COL5A3: variants seen among roughly 807,000 people sequenced by gnomAD.
COL5A3 encodes the protein collagen type V alpha 3 chain.
A neutral mutation model predicts 250.0 loss-of-function variants in COL5A3; 172 were observed. The observed-to-expected ratio is 0.69, with a 90% CI of 0.61 to 0.78. The LOEUF is 0.78. Among genes scored for constraint, COL5A3 ranks in the 30% least tolerant of loss-of-function variants. The pLI is 0.00. For synonymous variants in COL5A3, 937 were observed against 900.4 expected, an observed-to-expected ratio of 1.04 and a Z score of -0.73; for missense variants, 2,340 against 2,334.4, an observed-to-expected ratio of 1.00 and a Z score of -0.05.
chr19:9,969,178 T>C (rs1442454994), intron 57 of COL5A3, among the ~76,000 whole-genome samples, 171 bp downstream of exon 57: 1 of 151,794 alleles, frequency 6.6e-6, no homozygotes, highest in Non-Finnish European at 1.5e-5. Flanking sequence ...AGATGGGCAG[T>C]GTAGACCATC....
At chr19:9,994,189 T>C (rs1302315330) in intron 16 of COL5A3, among the ~76,000 whole-genome samples, 1 of 151,640 alleles carries the variant, frequency 6.6e-6, no homozygotes, top group African/African-American at 2.4e-5. Flanking sequence ...AATTTATTTA[T>C]GTATTTTAGA....
At position 9,995,612 on chromosome 19, in the gene COL5A3, G is replaced by A; in HGVS notation, c.1539C>T (p.Pro513=). 6.3e-7 allele frequency: 1 copy of A among 1,596,288 alleles called. No homozygotes were observed. Among genetic ancestry groups the A allele is most frequent in the Non-Finnish European group, 8.5e-7 (1 of 1,171,382 alleles). ...GTCCATGAGGTCCCTGCAGGCCTCG[G>A]GGACCCTAGAAGAAAGCAAAAAGGA... ...GEEGAEGPQG[P]RGLQGPHGPP... The change falls in exon 16 of 67, where the codon CCC becomes CCT. Residue 513 remains proline (P), a synonymous_variant. Transcript: ENST00000264828.
chr19:9,988,096 G>A (rs532374522), intron 27 of COL5A3, among the ~76,000 whole-genome samples: 40 of 152,210 alleles, frequency 2.6e-4, no homozygotes, highest in Admixed American at 4.6e-4. Flanking sequence ...TTAGCCAGAC[G>A]TGGTGGCACA....
chr19:10,004,152 G>C lies in COL5A3; in HGVS notation c.595-7C>G, dbSNP rs369143857. 6.2e-7 allele frequency: 1 copy of C among 1,609,470 alleles called. No individual in the cohort carries two copies. Among genetic ancestry groups the C allele is most frequent in the African/African-American group, 1.3e-5 (1 of 74,900 alleles). On this transcript the variant is annotated splice_polypyrimidine_tract_variant and splice_region_variant and intron_variant, in intron 4 of 66. Transcript: ENST00000264828. ...GCAGCTCCTGAATGTCTCCCTGGGGGTTGGGGGTGTAGGAGTCAAGGAGGG... is the reference window on the plus strand; with the variant it reads ...GCAGCTCCTGAATGTCTCCCTGGGGCTTGGGGGTGTAGGAGTCAAGGAGGG...
At chr19:10,007,713 G>A (rs917320240) in intron 1 of COL5A3, among the ~76,000 whole-genome samples, 1 of 152,188 alleles carries the variant, frequency 6.6e-6, no homozygotes, top group Non-Finnish European at 1.5e-5. Context: ...GGGCTAAGAC[G>A]TTGGGGAGGC....
Position 9,991,053 on chromosome 19 carries a change from C to T in COL5A3, c.1992+557G>A, listed in dbSNP as rs185186760. On this transcript the variant is annotated intron_variant, in intron 24 of 66. Coordinates refer to ENST00000264828, the MANE Select transcript of COL5A3 (RefSeq NM_015719.4). ...CAGCCTGGGCAACACAGGCAGACCC[C>T]ATCTCTACAAAAAAAGAAAATAAGA... 2.0e-3 allele frequency among the ~76,000 whole-genome samples: 307 copies of T among 152,160 alleles called. 6 individuals carry two copies. The highest frequency in any genetic ancestry group is 0.02 in the Admixed American group (306 of 15,278).
Position 9,989,548 on chromosome 19 carries a change from G to A in COL5A3, c.1993-26C>T, listed in dbSNP as rs1406712766. 2.5e-6 allele frequency: 4 copies of A among 1,596,254 alleles called. No individual in the cohort carries two copies. The East Asian group carries it at 8.9e-5, about 36-fold the overall frequency. ...CTGAAAGAAGATGAACAGCAGGGGA[G>A]AGACAGAGGTGCTCAGAGCCCTGGA... On this transcript the variant is annotated intron_variant, in intron 24 of 66. Transcript: ENST00000264828.
chr19:10,009,495 G>A lies in COL5A3; in HGVS notation c.88+803C>T, dbSNP rs577347857. On this transcript the variant is annotated intron_variant, in intron 1 of 66. Transcript: ENST00000264828. This position sits in a 1 kb window ranked among gnomAD's most constrained non-coding sequence, Gnocchi z 4.4. ...AGGCTCCAGCAGCTGGGGTGGGGAGGGGGGGAGCAACTTCCACTCCTGCCC... is the reference window on the plus strand; with the variant it reads ...AGGCTCCAGCAGCTGGGGTGGGGAGAGGGGGAGCAACTTCCACTCCTGCCC... Among the ~76,000 whole-genome samples, 1 of 151,912 alleles carries A rather than the reference G, an allele frequency of 6.6e-6. No homozygotes were observed. Among genetic ancestry groups the A allele is most frequent in the Non-Finnish European group, 1.5e-5 (1 of 67,946 alleles).
chr19:9,973,422 G>GTGT, intron 50 of COL5A3, 148 bp downstream of exon 50: 1 of 773,874 alleles, frequency 1.3e-6, no homozygotes, highest in South Asian at 1.7e-5. Flanking sequence ...GAACTTCCAG[G>GTGT]TGTCCTTCCT....
In COL5A3 at chr19:9,968,343, C is replaced by T. The variant is rs2086782958; in HGVS notation, c.4314+42G>A. ...CACCCACAGTCTCTCAACCGACCCC[C>T]TCCTTCAAATGCATTCTTCCCGCTC... On this transcript the variant is annotated intron_variant, in intron 59 of 66. Transcript: ENST00000264828. This position sits in a 1 kb window ranked among gnomAD's most constrained non-coding sequence, Gnocchi z 4.1. The T allele has an allele frequency of 2.8e-6, 4 of 1,424,436 alleles. No individual in the cohort carries two copies. Among genetic ancestry groups the T allele is most frequent in the Admixed American group, 1.9e-5 (1 of 52,838 alleles). The allele number at this position is 1,424,436 out of a possible 1,614,324, so 88.2% of individuals were successfully genotyped here. A position where few individuals can be genotyped will look rare whatever the true frequency, so the allele number is the denominator to read the frequency against.
intron 64 of COL5A3, among the ~76,000 whole-genome samples, chr19:9,963,553 GTT>G (rs34487347): frequency 3.0e-5 from 2 of 65,936 alleles, no homozygotes; most frequent in Non-Finnish European, 5.7e-5. Flanking sequence ...CACCATGCCT[GTT>G]TTTTTTGGGG....
Position 9,959,649 on chromosome 19 carries a change from C to T in COL5A3, c.*762G>A, listed in dbSNP as rs964766537. ...GGGCCAGGCTTGGGCTGGAATCTCT[C>T]ATCATATCCCAGCCTTCCCTAAGGA... On this transcript the variant is annotated 3_prime_UTR_variant, in exon 67 of 67. Coordinates refer to ENST00000264828, the MANE Select transcript of COL5A3 (RefSeq NM_015719.4). 6.6e-6 allele frequency: 1 copy of T among 152,664 alleles called. No homozygotes were observed. The highest frequency in any genetic ancestry group is 1.5e-5 in the Non-Finnish European group (1 of 68,080). 9.5% of individuals were successfully genotyped at this position (152,664 alleles called of 1,614,324 possible). A position where few individuals can be genotyped will look rare whatever the true frequency, so the allele number is the denominator to read the frequency against.
intron 54 of COL5A3, among the ~76,000 whole-genome samples, 180 bp downstream of exon 54, chr19:9,970,442 G>A (rs189606014): frequency 1.0e-4 from 5 of 49,942 alleles, no homozygotes; most frequent in Non-Finnish European, 1.7e-4. Context: ...TGGGGTCTGT[G>A]GGTGAGTGGG....
intron 66 of COL5A3, 43 bp downstream of exon 66, chr19:9,960,608 T>C (rs368891934): frequency 1.2e-6 from 2 of 1,613,520 alleles, no homozygotes; most frequent in Admixed American, 1.7e-5. Flanking sequence ...GTGGCCGACA[T>C]CTTGCCTCCC....
At position 9,996,655 on chromosome 19, in the gene COL5A3, T is replaced by C; in HGVS notation, c.1298A>G (p.Asp433Gly). 6.2e-7 allele frequency: 1 copy of C among 1,609,576 alleles called. No homozygotes were observed. The stretch of plus-strand genomic sequence containing the variant: ...AGTGCCCGGTGGGCCTCGGATCCCA[T>C]CAATGCCGGGGATTCCTGGGAGGCC... ...PAGLPGIPGIDGIRGPPGTVI... is the reference protein window; with the variant it reads ...PAGLPGIPGIGGIRGPPGTVI... Residue 433 changes from aspartate (D) to glycine (G), a missense_variant, in exon 12 of 67, where the codon GAT becomes GGT. Asp to Gly is a moderately conservative substitution (Grantham distance 94, BLOSUM62 -1). Transcript: ENST00000264828.
At chr19:9,982,525 CCTTATTGA>C (rs1469324482) in intron 31 of COL5A3, among the ~76,000 whole-genome samples, 8 of 152,120 alleles carry the variant, frequency 5.3e-5, no homozygotes, top group Admixed American at 4.6e-4. Context: ...TTGAAATGAC[CCTTATTGA>C]CTTATTTATT....
rs1319053963 is a variant in COL5A3, at chr19:9,972,950, G to A, written c.3743C>T (p.Pro1248Leu). 3.1e-6 allele frequency: 5 copies of A among 1,611,256 alleles called. No homozygotes were observed. The highest frequency in any genetic ancestry group is 4.2e-6 in the Non-Finnish European group (5 of 1,178,998). The change falls in exon 51 of 67, where the codon CCC (proline) becomes CTC (leucine). Residue 1248 changes from proline to leucine, a missense_variant. Pro to Leu is a moderately conservative substitution (Grantham distance 98). This residue lies in a region of COL5A3 where 1,179 missense variants were observed against 1,162.6 expected (regional missense o/e 1.01). Coordinates refer to ENST00000264828, the MANE Select transcript of COL5A3 (RefSeq NM_015719.4). The part of the protein sequence containing the change: ...GAAGPPGKKG[P>L]PGEDGAKGSV... ...CCCTTTGGCTCCATCCTCTCCAGGGGGACCTTTCTTGCCTGGGGGTCCAGC... is the reference window on the plus strand; with the variant it reads ...CCCTTTGGCTCCATCCTCTCCAGGGAGACCTTTCTTGCCTGGGGGTCCAGC...
In COL5A3 at chr19:9,993,433, C is replaced by T. The variant is rs2087223991; in HGVS notation, c.1696G>A (p.Gly566Ser). 6.2e-7 allele frequency: 1 copy of T among 1,614,102 alleles called. No individual in the cohort carries two copies. Among genetic ancestry groups the T allele is most frequent in the East Asian group, 2.2e-5 (1 of 44,876 alleles). ...PGLPGEKGQR[G>S]DFGHVGQPGP... ...GGTTGCCCCACATGGCCAAAGTCAC[C>T]CTGGAGAGGGAACAGAGGGGAGTTC... is the stretch of plus-strand genomic sequence containing the variant. The change falls in exon 19 of 67, where the codon GGT becomes AGT. Residue 566 changes from glycine to serine, a missense_variant and splice_region_variant. Gly to Ser is a moderately conservative substitution (Grantham distance 56). This residue lies in a region of COL5A3 where 1,152 missense variants were observed against 1,146.3 expected (regional missense o/e 1.00). Transcript: ENST00000264828.
At chr19:9,973,193 A>G (rs1241844526) in intron 50 of COL5A3, among the ~76,000 whole-genome samples, 167 bp from the exon 51 acceptor site, 1 of 152,112 alleles carries the variant, frequency 6.6e-6, no homozygotes, top group Non-Finnish European at 1.5e-5. Context: ...AGGACTTAAG[A>G]CAGTGAAAGG....
Sources: gnomAD v4.1 joint callset for allele counts (sites outside exome capture counted in the v4.1 genomes callset) on GRCh38, gnomAD v4.1.1 for gene constraint, gnomAD v4.1.1 regional missense constraint, Gnocchi (gnomAD v3.1) non-coding constraint, MANE v1.5 for transcripts, NCBI Gene and HGNC (gene_info 2026-07-23, HGNC 2026-07-21) for gene names.